The following RBFOX1 variants were observed in gnomAD, a reference collection of about 807,000 sequenced individuals.
RBFOX1 encodes RNA binding fox-1 homolog 1.
Under a neutral mutation model 57.7 loss-of-function variants are expected in RBFOX1, and 8 were observed. That is an observed-to-expected ratio of 0.14 (90% CI 0.08 to 0.25). RBFOX1 has a LOEUF of 0.25. Ranked by LOEUF, RBFOX1 falls within the 10% of genes least tolerant of loss-of-function variation. The pLI is 1.00. For missense variants in RBFOX1, 611 were observed against 548.5 expected (o/e 1.11, Z -1.14); for synonymous variants, 326 against 222.4 (o/e 1.47, Z -4.15).
intron 4 of RBFOX1, among the ~76,000 whole-genome samples, chr16:7,307,695 C>G (rs529482039): frequency 3.3e-5 from 5 of 152,272 alleles, no homozygotes; most frequent in Non-Finnish European, 5.9e-5. Flanking sequence ...AGATATCAGA[C>G]CCAGTGATGT....
intron 1 of RBFOX1, among the ~76,000 whole-genome samples, chr16:5,277,317 G>A (rs1194955023): frequency 6.6e-6 from 1 of 151,816 alleles, no homozygotes; most frequent in African/African-American, 2.4e-5. Flanking sequence ...GAAGTGGGAG[G>A]GGGTGAGAGA....
chr16:7,344,113 T>TC (rs1267664545), intron 4 of RBFOX1, among the ~76,000 whole-genome samples: 1 of 141,338 alleles, frequency 7.1e-6, no homozygotes, highest in South Asian at 2.1e-4. Flanking sequence ...TTTTTTTTTT[T>TC]TTTTTTTTTT....
intron 1 of RBFOX1, among the ~76,000 whole-genome samples, chr16:6,090,603 T>TCACAA (rs1295042883): frequency 6.6e-6 from 1 of 152,246 alleles, no homozygotes; most frequent in Non-Finnish European, 1.5e-5. Flanking sequence ...CAATGAGTTT[T>TCACAA]GTTTCACAAG....
rs143334466 is a variant in RBFOX1 at position 7,324,879 on chromosome 16, A to T, written c.28-193268A>T. ...GGTACCATCTTCATCATCCCTAAAAACCATAAATTGAACTTGATATCCTTT... is the reference window on the plus strand; with the variant it reads ...GGTACCATCTTCATCATCCCTAAAATCCATAAATTGAACTTGATATCCTTT... On this transcript the variant is annotated intron_variant, in intron 4 of 15. Coordinates refer to ENST00000550418, the MANE Select transcript of RBFOX1 (RefSeq NM_018723.4). Among the ~76,000 whole-genome samples, 480 of 152,280 alleles carry T rather than the reference A, an allele frequency of 3.2e-3. 4 individuals are homozygous for T. The highest frequency in any genetic ancestry group is 0.011 in the African/African-American group (459 of 41,550).
chr16:7,483,041 C>T (rs1374570099), intron 4 of RBFOX1, among the ~76,000 whole-genome samples: 5 of 152,118 alleles, frequency 3.3e-5, no homozygotes, highest in African/African-American at 4.8e-5. Context: ...CCTGGAACAC[C>T]GTGGGAGGAG....
intron 2 of RBFOX1, among the ~76,000 whole-genome samples, chr16:6,538,740 C>T (rs1018776234): frequency 6.6e-6 from 1 of 152,158 alleles, no homozygotes; most frequent in African/African-American, 2.4e-5. Flanking sequence ...AATGTGTTTG[C>T]CTTTTTCCAG....
chr16:6,295,204 A>C (rs145007776), intron 1 of RBFOX1, among the ~76,000 whole-genome samples: 71 of 150,598 alleles, frequency 4.7e-4, no homozygotes, highest in African/African-American at 1.7e-3. Context: ...GCTTACTGCA[A>C]ACTCTGCCTC....
intron 1 of RBFOX1, among the ~76,000 whole-genome samples, chr16:6,066,469 G>T (rs968233264): frequency 4.6e-5 from 7 of 152,118 alleles, no homozygotes; most frequent in African/African-American, 1.4e-4. Flanking sequence ...GTGCTGCTAA[G>T]TTAGATGCAG....
chr16:5,662,317 C>T (rs562888631), intron 3 of RBFOX1, among the ~76,000 whole-genome samples: 51 of 152,120 alleles, frequency 3.4e-4, no homozygotes, highest in Admixed American at 8.5e-4. Context: ...TTTGTGTGAA[C>T]GCTCTCTCTC....
At chr16:6,558,909 G>T (rs540734861) in intron 2 of RBFOX1, among the ~76,000 whole-genome samples, 1 of 151,894 alleles carries the variant, frequency 6.6e-6, no homozygotes, top group African/African-American at 2.4e-5. Context: ...TCTGGAATGT[G>T]CCCCTCCTGC....
At chr16:6,578,143 A>G (rs189148153) in intron 2 of RBFOX1, among the ~76,000 whole-genome samples, 1 of 152,350 alleles carries the variant, frequency 6.6e-6, no homozygotes, top group East Asian at 1.9e-4. Flanking sequence ...ACGACCAGTT[A>G]CCTGCATTCT....
chr16:6,274,230 C>T (rs1159839372), intron 1 of RBFOX1, among the ~76,000 whole-genome samples: 1 of 152,144 alleles, frequency 6.6e-6, no homozygotes, highest in East Asian at 1.9e-4. Flanking sequence ...GAAACATGTT[C>T]ACACAAAACC....
chr16:6,118,411 G>C (rs1597461399), intron 1 of RBFOX1, among the ~76,000 whole-genome samples: 1 of 152,170 alleles, frequency 6.6e-6, no homozygotes, highest in Non-Finnish European at 1.5e-5. Context: ...AGCACCAGCA[G>C]ATTCAATGTT....
At chr16:6,593,837 T>A (rs936324859) in intron 2 of RBFOX1, among the ~76,000 whole-genome samples, 3 of 152,134 alleles carry the variant, frequency 2.0e-5, no homozygotes, top group Admixed American at 1.3e-4. Context: ...ATGGCAATAT[T>A]GGGAAGGTGA....
At chr16:7,041,993 A>T (rs2046332806) in intron 3 of RBFOX1, among the ~76,000 whole-genome samples, 1 of 152,176 alleles carries the variant, frequency 6.6e-6, no homozygotes, top group Non-Finnish European at 1.5e-5. Context: ...ATGTTCAAGG[A>T]CTGGACTTCC....
intron 4 of RBFOX1, among the ~76,000 whole-genome samples, chr16:7,376,967 G>T (rs1475311250): frequency 6.6e-6 from 1 of 152,108 alleles, no homozygotes; most frequent in Non-Finnish European, 1.5e-5. Context: ...TAGTATCCTT[G>T]TATGTCCCTA....
At chr16:6,116,943 G>A (rs1036879005) in intron 1 of RBFOX1, among the ~76,000 whole-genome samples, 2 of 152,134 alleles carry the variant, frequency 1.3e-5, no homozygotes, top group Non-Finnish European at 2.9e-5. Flanking sequence ...CTACAGTAAA[G>A]GTATTGGGAT....
intron 4 of RBFOX1, among the ~76,000 whole-genome samples, chr16:7,324,613 C>T (rs1462039656): frequency 6.6e-6 from 1 of 152,194 alleles, no homozygotes; most frequent in Admixed American, 6.5e-5. Context: ...GCTCATTCAG[C>T]CAGTCAGTCT....
rs528730700 is a variant in RBFOX1 at position 5,386,522 on chromosome 16, C to T, written c.220-80694C>T. Among the ~76,000 whole-genome samples, 3 of 152,256 alleles carry T rather than the reference C, an allele frequency of 2.0e-5. No individual in the cohort carries two copies. The East Asian group carries it at 5.8e-4, about 29-fold the overall frequency. ...TTCCCCCCGTAAATCACCTCTCCTGCCCTCCCTACTCTTTGCATTCAGACG... is the reference window on the plus strand; with the variant it reads ...TTCCCCCCGTAAATCACCTCTCCTGTCCTCCCTACTCTTTGCATTCAGACG... On this transcript the variant is annotated intron_variant, in intron 1 of 2. Coordinates refer to the RBFOX1 transcript ENST00000585867.
Sources: allele counts gnomAD v4.1 joint callset (sites outside exome capture counted in the v4.1 genomes callset), GRCh38; gene constraint gnomAD v4.1.1; transcripts MANE v1.5; gene names NCBI Gene and HGNC (gene_info 2026-07-23, HGNC 2026-07-21).